Variants in PCDHGB2 observed in about 807,000 individuals in gnomAD.
PCDHGB2 encodes the protein protocadherin gamma-B2.
In PCDHGB2, 55 loss-of-function variants were observed where a neutral mutation model predicts 59.3. The ratio of observed to expected loss-of-function variants is 0.93; its 90% CI spans 0.75 to 1.16. The LOEUF (loss-of-function observed/expected upper bound fraction) is 1.16. Ranked by LOEUF, PCDHGB2 falls within the 50% of genes most tolerant of loss-of-function variation. PCDHGB2 has a pLI of 0.00. For missense variants in PCDHGB2, 1,228 were observed against 1,198.5 expected (o/e 1.02, Z -0.36); for synonymous variants, 516 against 512.0 (o/e 1.01, Z -0.11).
At position 141,489,369 on chromosome 5, in the gene PCDHGB2, G is replaced by A. The variant is rs371328808; in HGVS notation, c.2422-5438G>A. The A allele has an allele frequency of 4.5e-5, 73 of 1,613,474 alleles. No individual in the cohort carries two copies. Among genetic ancestry groups the A allele is most frequent in the African/African-American group, 4.1e-4 (31 of 74,894 alleles). ...TGGTGGAGGAGTCTGAGCCGGGGACGCTGGTGGGGAATGTTGCTCAGGATC... is the reference window on the plus strand; with the variant it reads ...TGGTGGAGGAGTCTGAGCCGGGGACACTGGTGGGGAATGTTGCTCAGGATC... On this transcript the variant is annotated intron_variant, in intron 1 of 3. Transcript: ENST00000522605. This position sits in a 1 kb window ranked among gnomAD's most constrained non-coding sequence, Gnocchi z 4.5.
At position 141,409,826 on chromosome 5, in the gene PCDHGB2, C is replaced by T. The variant is rs565116840; in HGVS notation, c.2421+47270C>T. 14 of 1,611,108 alleles carry T rather than the reference C, an allele frequency of 8.7e-6. No homozygotes were observed. The highest frequency in any genetic ancestry group is 1.3e-5 in the African/African-American group (1 of 75,000). On this transcript the variant is annotated intron_variant, in intron 1 of 3. Coordinates refer to ENST00000522605, the MANE Select transcript of PCDHGB2 (RefSeq NM_018923.3). ...GGCCCGCGACCACGGCTCGCCCACG[C>T]TCAGCGCCAACGTGAGCCTGCGCGT...
chr5:141,376,623 G>A (rs559036357), intron 1 of PCDHGB2: 243 of 1,327,112 alleles, frequency 1.8e-4, no homozygotes, highest in Middle Eastern at 7.8e-4. Context: ...TTTGGTACAG[G>A]AAGATTCGTG....
intron 2 of PCDHGB2, among the ~76,000 whole-genome samples, chr5:141,499,149 A>G (rs1215155217): frequency 6.6e-6 from 1 of 152,084 alleles, no homozygotes; most frequent in African/African-American, 2.4e-5. Context: ...TCTGATCCCA[A>G]TAGCTGTTGT....
chr5:141,378,347 A>AC (rs1159176401), intron 1 of PCDHGB2: 1 of 152,134 alleles, frequency 6.6e-6, no homozygotes, highest in Non-Finnish European at 1.5e-5. Flanking sequence ...ACATGGTGAA[A>AC]CCCCGTCTCT....
intron 1 of PCDHGB2, among the ~76,000 whole-genome samples, chr5:141,437,457 T>C (rs527469937): frequency 7.2e-5 from 11 of 152,358 alleles, no homozygotes; most frequent in Non-Finnish European, 1.5e-4. Flanking sequence ...GAGGAGACTA[T>C]ACTATACTTT....
rs1168649993 is a variant in PCDHGB2, at chr5:141,432,243, C to G, written c.2422-62564C>G. On this transcript the variant is annotated intron_variant, in intron 1 of 3. Transcript: ENST00000522605. The surrounding 1 kb of genome is among the most constrained non-coding windows in gnomAD (Gnocchi z 6.0). ...ATCACTTATTCCCTGGCTGAGAACA[C>G]CATCCAAGGGGCAAGCCTATCGTCC... 1 of 1,614,244 alleles carries G rather than the reference C, an allele frequency of 6.2e-7. No individual in the cohort carries two copies. Among genetic ancestry groups the G allele is most frequent in the Non-Finnish European group, 8.5e-7 (1 of 1,180,050 alleles).
intron 1 of PCDHGB2, chr5:141,414,983 G>C: frequency 6.2e-7 from 1 of 1,613,716 alleles, no homozygotes; most frequent in Non-Finnish European, 8.5e-7. Context: ...AGAGACTCCG[G>C]CCAGAACGCC....
chr5:141,412,893 A>C (rs1190008207), intron 1 of PCDHGB2: 6 of 340,884 alleles, frequency 1.8e-5, no homozygotes, highest in Non-Finnish European at 2.6e-5. Flanking sequence ...AGAATAGTTT[A>C]CTTTCCATTG....
At position 141,476,359 on chromosome 5, in the gene PCDHGB2, G is replaced by A; in HGVS notation, c.2422-18448G>A. On this transcript the variant is annotated intron_variant, in intron 1 of 3. Coordinates refer to ENST00000522605, the MANE Select transcript of PCDHGB2 (RefSeq NM_018923.3). This position sits in a 1 kb window ranked among gnomAD's most constrained non-coding sequence, Gnocchi z 7.6. ...GCCGAAGATTCTTTGAGGTGAACCG[G>A]GAGACCGGAGAGATGTTTGTGAACG... The A allele has an allele frequency of 6.2e-7, 1 of 1,614,170 alleles. No individual in the cohort carries two copies. The highest frequency in any genetic ancestry group is 8.5e-7 in the Non-Finnish European group (1 of 1,180,020).
intron 1 of PCDHGB2, chr5:141,428,067 G>A (rs753358896): frequency 6.2e-7 from 1 of 1,609,228 alleles, no homozygotes; most frequent in South Asian, 1.1e-5. Flanking sequence ...GGTGGACGCA[G>A]ATTCGGGACA....
Position 141,490,102 on chromosome 5 carries a change from G to A in PCDHGB2, c.2422-4705G>A, listed in dbSNP as rs377649214. On this transcript the variant is annotated intron_variant, in intron 1 of 3. Coordinates refer to ENST00000522605, the MANE Select transcript of PCDHGB2 (RefSeq NM_018923.3). The surrounding 1 kb of genome is among the most constrained non-coding windows in gnomAD (Gnocchi z 5.4). ...TTCTTTTGGAGACCACACATCTGAG[G>A]CAGTGCGGAACCTCTTTGGCCTAGA... 4.3e-6 allele frequency: 7 copies of A among 1,614,144 alleles called. No homozygotes were observed. The African/African-American group carries it at 9.3e-5, about 22-fold the overall frequency.
intron 2 of PCDHGB2, among the ~76,000 whole-genome samples, chr5:141,502,002 C>T (rs1434269040): frequency 1.3e-5 from 2 of 152,164 alleles, no homozygotes; most frequent in South Asian, 2.1e-4. Context: ...CCTGACAACC[C>T]GCATGCTCTC....
chr5:141,428,001 T>C (rs149531447), intron 1 of PCDHGB2: 1 of 1,601,704 alleles, frequency 6.2e-7, no homozygotes, highest in Admixed American at 1.7e-5. Flanking sequence ...CTCCGCACTC[T>C]TCGATATAGT....
At chr5:141,505,935 C>T (rs2099849264) in intron 3 of PCDHGB2, among the ~76,000 whole-genome samples, 1 of 152,146 alleles carries the variant, frequency 6.6e-6, no homozygotes, top group African/African-American at 2.4e-5. Flanking sequence ...CGCTTGGAAG[C>T]CCTCAAGCAA....
intron 1 of PCDHGB2, chr5:141,405,594 C>G: frequency 1.7e-6 from 1 of 578,834 alleles, no homozygotes; most frequent in Non-Finnish European, 3.0e-6. Context: ...ACAGGCCTCC[C>G]AAGTAGAATA....
At position 141,485,133 on chromosome 5, in the gene PCDHGB2, C is replaced by A; in HGVS notation, c.2422-9674C>A. On this transcript the variant is annotated intron_variant, in intron 1 of 3. Transcript: ENST00000522605. The surrounding 1 kb of genome is among the most constrained non-coding windows in gnomAD (Gnocchi z 5.7). Reference sequence around the variant, plus strand: ...GCTGTTTGGGGCGGGTCGGCTTCATCCGCGTCTCAGGAGCAAGTAGAGAAT... The same window carrying A: ...GCTGTTTGGGGCGGGTCGGCTTCATACGCGTCTCAGGAGCAAGTAGAGAAT... The A allele has an allele frequency of 2.7e-6, 4 of 1,492,492 alleles. No homozygotes were observed. The highest frequency in any genetic ancestry group is 1.7e-5 in the Admixed American group (1 of 58,334). The allele number at this position is 1,492,492 out of a possible 1,614,324, so 92.5% of individuals were successfully genotyped here.
At chr5:141,429,169 T>TACACACACACACACACAC (rs10667977) in intron 1 of PCDHGB2, 2 of 145,394 alleles carry the variant, frequency 1.4e-5, no homozygotes, top group African/African-American at 5.1e-5. Flanking sequence ...ACATTGTTTA[T>TACACACACACACACACAC]ACACACACAC....
chr5:141,419,809 A>G (rs1181621732), intron 1 of PCDHGB2: 2 of 1,613,916 alleles, frequency 1.2e-6, no homozygotes, highest in African/African-American at 2.7e-5. Flanking sequence ...GAGATGGAGG[A>G]CAGCCACCCC....
intron 2 of PCDHGB2, among the ~76,000 whole-genome samples, chr5:141,504,909 G>C (rs948719729): frequency 6.6e-6 from 1 of 152,002 alleles, no homozygotes; most frequent in Non-Finnish European, 1.5e-5. Context: ...ACTATGACAG[G>C]AAGCCAGGCT....
Sources: allele counts gnomAD v4.1 joint callset (sites outside exome capture counted in the v4.1 genomes callset), GRCh38; gene constraint gnomAD v4.1.1; non-coding constraint Gnocchi (gnomAD v3.1); transcripts MANE v1.5; gene names NCBI Gene and HGNC (gene_info 2026-07-23, HGNC 2026-07-21).